The following ZNF823 variants were observed in gnomAD, a reference collection of about 807,000 sequenced individuals.
ZNF823 encodes the protein ZFP 36 for a zinc finger protein.
Under a neutral mutation model 11.4 loss-of-function variants are expected in ZNF823, and 5 were observed. The ratio of observed to expected loss-of-function variants is 0.44; its 90% CI spans 0.23 to 0.92. The LOEUF (loss-of-function observed/expected upper bound fraction) is 0.92. ZNF823 is among the 40% of genes least tolerant of loss of function. The pLI is 0.24. For missense variants in ZNF823, 582 were observed against 738.5 expected, an observed-to-expected ratio of 0.79 and a Z score of 2.46; for synonymous variants, 234 against 250.5, an observed-to-expected ratio of 0.93 and a Z score of 0.62.
chr19:11,734,337 C>T (rs1188110819), intron 1 of ZNF823, among the ~76,000 whole-genome samples: 3 of 152,086 alleles, frequency 2.0e-5, no homozygotes, highest in Non-Finnish European at 2.9e-5. Context: ...CAGTGTAACA[C>T]TCTCCGCATT....
At chr19:11,729,214 T>C (rs1974850755) in intron 1 of ZNF823, among the ~76,000 whole-genome samples, 1 of 150,156 alleles carries the variant, frequency 6.7e-6, no homozygotes, top group South Asian at 2.1e-4. Flanking sequence ...GGCCCAGCAA[T>C]GTGTACATGA....
At chr19:11,732,517 T>A (rs1974919132) in intron 1 of ZNF823, among the ~76,000 whole-genome samples, 1 of 151,348 alleles carries the variant, frequency 6.6e-6, no homozygotes, top group Non-Finnish European at 1.5e-5. Context: ...GCCAGGATGG[T>A]CTCGATCTCC....
intron 3 of ZNF823, 27 bp downstream of exon 3, chr19:11,724,167 T>C (rs1390249788): frequency 8.8e-6 from 14 of 1,595,708 alleles, no homozygotes; most frequent in Admixed American, 1.7e-5. Flanking sequence ...TGCAGGGACA[T>C]AGCTTTCTTT....
rs879038622 is a variant in ZNF823 at position 11,725,145 on chromosome 19, T to C, written c.130+56A>G. 6.0e-5 allele frequency: 95 copies of C among 1,590,118 alleles called. No individual in the cohort carries two copies. In the South Asian group the frequency reaches 7.6e-4, roughly 13 times the overall value. On this transcript the variant is annotated intron_variant, in intron 2 of 3. Coordinates refer to ENST00000341191, the MANE Select transcript of ZNF823 (RefSeq NM_001080493.4). The stretch of plus-strand genomic sequence containing the variant: ...TATTTCAAATCATGAACAGCGTTGA[T>C]GGCCAGGAAACAAATGTCTCTAATT...
chr19:11,737,891 G>C (rs372665972), intron 1 of ZNF823, among the ~76,000 whole-genome samples: 7 of 152,202 alleles, frequency 4.6e-5, no homozygotes, highest in African/African-American at 1.4e-4. Flanking sequence ...TGGAAGACTC[G>C]GAGGGAAACC....
At chr19:11,723,751 G>A (rs1974739705) in intron 3 of ZNF823, among the ~76,000 whole-genome samples, 3 of 152,090 alleles carry the variant, frequency 2.0e-5, no homozygotes, top group Non-Finnish European at 4.4e-5. Context: ...CTCCATGTTG[G>A]CCAGGCTGGT....
intron 3 of ZNF823, among the ~76,000 whole-genome samples, chr19:11,723,825 G>A (rs537469534): frequency 5.0e-4 from 76 of 152,278 alleles, no homozygotes; most frequent in African/African-American, 1.7e-3. Flanking sequence ...GATTACAGGC[G>A]TGAGCCACCG....
At chr19:11,731,831 G>C (rs1599707374) in intron 1 of ZNF823, among the ~76,000 whole-genome samples, 1 of 152,014 alleles carries the variant, frequency 6.6e-6, no homozygotes, top group African/African-American at 2.4e-5. Context: ...CCAACATGGA[G>C]AAACCCCACC....
Position 11,721,682 on chromosome 19 carries a change from T to C in ZNF823, c.*19A>G, listed in dbSNP as rs1974679899. On this transcript the variant is annotated 3_prime_UTR_variant, in exon 4 of 4. Coordinates refer to ENST00000341191, the MANE Select transcript of ZNF823 (RefSeq NM_001080493.4). ...TTTCTGAAATTAAAGTACTGAATGT[T>C]TTCCCACATTCCATACATTTAGAGA... 3.2e-6 allele frequency: 5 copies of C among 1,571,848 alleles called. No individual in the cohort carries two copies. The highest frequency in any genetic ancestry group is 4.3e-6 in the Non-Finnish European group (5 of 1,159,700).
intron 1 of ZNF823, among the ~76,000 whole-genome samples, chr19:11,736,296 C>T (rs2145052776): frequency 6.6e-6 from 1 of 152,322 alleles, no homozygotes; most frequent in East Asian, 1.9e-4. Flanking sequence ...GCAGGTGGAT[C>T]ACTTGAGGTC....
intron 1 of ZNF823, among the ~76,000 whole-genome samples, chr19:11,735,833 T>C (rs1974983376): frequency 1.3e-5 from 2 of 152,210 alleles, no homozygotes; most frequent in South Asian, 4.1e-4. Flanking sequence ...AACGCATCTA[T>C]ATTTTATAGC....
intron 1 of ZNF823, among the ~76,000 whole-genome samples, chr19:11,726,833 A>G (rs1974800278): frequency 6.6e-6 from 1 of 152,210 alleles, no homozygotes; most frequent in Non-Finnish European, 1.5e-5. Context: ...ACACTGGATC[A>G]CTACTGACGG....
intron 3 of ZNF823, 116 bp downstream of exon 3, chr19:11,724,078 T>C (rs1974745560): frequency 1.2e-6 from 1 of 829,122 alleles, no homozygotes. Context: ...AAAAGAATTA[T>C]TGGAATGAAT....
chr19:11,722,964 T>G lies in ZNF823; in HGVS notation c.570A>C (p.Gly190=), dbSNP rs527419491. The G allele has an allele frequency of 2.1e-5, 34 of 1,614,204 alleles. No individual in the cohort carries two copies. In the South Asian group the frequency reaches 3.2e-4, roughly 15 times the overall value. Residue 190 remains glycine, a synonymous_variant, in exon 4 of 4, where the codon GGA becomes GGC. Transcript: ENST00000341191. The surrounding 1 kb of genome is among the most constrained non-coding windows in gnomAD (Gnocchi z 5.2). ...TCCCACACAACTTACATTTATAAGG[T>G]CCATCTCCATGGTGTGCCGCCATGT... ...RRHMAAHHGD[G]PYKCKLCGKA... is the part of the protein sequence containing the mutation.
chr19:11,732,853 C>A (rs1974927490), intron 1 of ZNF823, among the ~76,000 whole-genome samples: 1 of 152,182 alleles, frequency 6.6e-6, no homozygotes, highest in South Asian at 2.1e-4. Flanking sequence ...CCTCCCTTTC[C>A]TGGGGTCAGA....
At chr19:11,731,065 C>T (rs1462459805) in intron 1 of ZNF823, among the ~76,000 whole-genome samples, 2 of 150,534 alleles carry the variant, frequency 1.3e-5, no homozygotes, top group Non-Finnish European at 2.9e-5. Flanking sequence ...GTAATCCCAG[C>T]ACTTTGGGAG....
At chr19:11,734,470 ATGTAGAGCAAACTTTCC>A (rs1974957513) in intron 1 of ZNF823, among the ~76,000 whole-genome samples, 1 of 152,152 alleles carries the variant, frequency 6.6e-6, no homozygotes. Context: ...CACAAAATTA[ATGTAGAGCAAACTTTCC>A]TTAAGTTTCT....
At chr19:11,729,940 T>G (rs1035172384) in intron 1 of ZNF823, among the ~76,000 whole-genome samples, 1 of 151,580 alleles carries the variant, frequency 6.6e-6, no homozygotes, top group Non-Finnish European at 1.5e-5. Flanking sequence ...TTTTTTTTTT[T>G]CCTTTGAGAC....
Position 11,725,310 on chromosome 19 carries a change from T to C in ZNF823, c.21A>G (p.Glu7=), listed in dbSNP as rs921628637. Residue 7 remains glutamate, a synonymous_variant, in exon 2 of 4, where the codon GAA becomes GAG. Coordinates refer to ENST00000341191, the MANE Select transcript of ZNF823 (RefSeq NM_001080493.4). The part of the protein sequence containing the change: MDSVAF[E]DVAVNFTQEE... ...CTTGTGTGAAGTTCACAGCCACATC[T>C]TCAAAGGCCACTGAGTCCTGAAACA... 3.1e-6 allele frequency: 5 copies of C among 1,613,906 alleles called. No homozygotes were observed. The African/African-American group carries it at 4.0e-5, about 13-fold the overall frequency.
Sources: allele counts gnomAD v4.1 joint callset (sites outside exome capture counted in the v4.1 genomes callset), GRCh38; gene constraint gnomAD v4.1.1; non-coding constraint Gnocchi (gnomAD v3.1); transcripts MANE v1.5; gene names NCBI Gene and HGNC (gene_info 2026-07-23, HGNC 2026-07-21).